The following ITGAE variants were observed in gnomAD, a reference collection of about 807,000 sequenced individuals.
The protein encoded by ITGAE is integrin subunit alpha E, also known as integrin alpha-E.
Under a neutral mutation model 136.5 loss-of-function variants are expected in ITGAE, and 99 were observed. The ratio of observed to expected loss-of-function variants is 0.73; its 90% CI spans 0.62 to 0.86. The LOEUF (loss-of-function observed/expected upper bound fraction) is 0.86, where lower values mean the gene tolerates loss of function less well. Ranked by LOEUF, ITGAE falls within the 40% of genes least tolerant of loss-of-function variation. The pLI is 0.00. For missense variants in ITGAE, 1,447 were observed against 1,515.3 expected (o/e 0.95, Z 0.75); for synonymous variants, 613 against 591.8 (o/e 1.04, Z -0.52).
rs568360760 is a variant in ITGAE, at chr17:3,767,025, G to A, written c.156-3065C>T. ...AAAACCCAGGAGGCATCCTCACTTC[G>A]TCGTGTTTTCACTCATGCCCTACAT... is the stretch of plus-strand genomic sequence containing the variant. On this transcript the variant is annotated intron_variant, in intron 2 of 30. Transcript: ENST00000263087. 9.9e-5 allele frequency among the ~76,000 whole-genome samples: 15 copies of A among 151,324 alleles called. No individual in the cohort carries two copies. The South Asian group carries it at 2.5e-3, about 25-fold the overall frequency.
intron 28 of ITGAE, 32 bp from the exon 29 acceptor site, chr17:3,720,434 A>C (rs756359438): frequency 1.2e-5 from 12 of 999,560 alleles, no homozygotes; most frequent in Non-Finnish European, 1.9e-5. Flanking sequence ...GAGGGAAACA[A>C]AACATATTTT....
intron 10 of ITGAE, 89 bp downstream of exon 10, chr17:3,756,895 C>A: frequency 7.0e-7 from 1 of 1,419,532 alleles, no homozygotes; most frequent in African/African-American, 1.4e-5. Flanking sequence ...ATGGGAGTTG[C>A]TCAGAGAAAC....
Position 3,755,832 on chromosome 17 carries a change from C to G in ITGAE, c.1237G>C (p.Glu413Gln), listed in dbSNP as rs1156868090. The G allele has an allele frequency of 8.8e-6, 14 of 1,592,764 alleles. No individual in the cohort carries two copies. Among genetic ancestry groups the G allele is most frequent in the African/African-American group, 1.3e-5 (1 of 74,672 alleles). ...QIGFSAQILD[E>Q]RQVLLGAVGA... Reference sequence around the variant, plus strand: ...CTGGTGCTGAGTCAGCCACGTACCTCATCCAGGATCTGAGCACTGAAGCCA... The same window carrying G: ...CTGGTGCTGAGTCAGCCACGTACCTGATCCAGGATCTGAGCACTGAAGCCA... Residue 413 changes from glutamate to glutamine, a missense_variant and splice_region_variant, in exon 11 of 31, where the codon GAG (glutamate) becomes CAG (glutamine). By Grantham distance (29) the Glu-to-Gln change is conservative. Around this residue, in one of 3 missense-constraint regions of ITGAE, gnomAD observed 1,031 missense variants for 1,011.4 expected, o/e 1.02. Transcript: ENST00000263087.
Position 3,739,796 on chromosome 17 carries a change from C to T in ITGAE, c.2522+9G>A. 6.2e-7 allele frequency: 1 copy of T among 1,613,162 alleles called. No homozygotes were observed. The highest frequency in any genetic ancestry group is 8.5e-7 in the Non-Finnish European group (1 of 1,179,084). On this transcript the variant is annotated intron_variant, in intron 20 of 30. Transcript: ENST00000263087. Reference sequence around the variant, plus strand: ...TAATCGAGGAAACTGACGGCTATGTCCAACTCACTGAGAGACGGTGGTGGC... The same window carrying T: ...TAATCGAGGAAACTGACGGCTATGTTCAACTCACTGAGAGACGGTGGTGGC...
At chr17:3,776,585 G>GT (rs2052545196) in intron 2 of ITGAE, among the ~76,000 whole-genome samples, 1 of 152,100 alleles carries the variant, frequency 6.6e-6, no homozygotes, top group Non-Finnish European at 1.5e-5. Context: ...TAGTTTCAGG[G>GT]TTTTTGTTCT....
intron 28 of ITGAE, 59 bp downstream of exon 28, chr17:3,723,229 A>T: frequency 8.9e-7 from 1 of 1,120,726 alleles, no homozygotes; most frequent in Non-Finnish European, 1.4e-6. Flanking sequence ...TATCTCTTCT[A>T]GGGGCGATGC....
chr17:3,784,550 A>G (rs2052741165), intron 1 of ITGAE, among the ~76,000 whole-genome samples: 1 of 151,804 alleles, frequency 6.6e-6, no homozygotes, highest in African/African-American at 2.4e-5. Context: ...ACGCGCCACC[A>G]TGCCCGCCTA....
intron 1 of ITGAE, among the ~76,000 whole-genome samples, chr17:3,779,213 G>A (rs1235989619): frequency 6.6e-6 from 1 of 152,196 alleles, no homozygotes; most frequent in Non-Finnish European, 1.5e-5. Flanking sequence ...TAGAATTTGT[G>A]CATGTCACTG....
chr17:3,774,210 C>T (rs1307037021), intron 2 of ITGAE, among the ~76,000 whole-genome samples: 3 of 152,080 alleles, frequency 2.0e-5, no homozygotes, highest in Non-Finnish European at 2.9e-5. Flanking sequence ...TCACTTGCTC[C>T]TGTGTGCTGG....
At chr17:3,739,610 A>G (rs2143013878) in intron 20 of ITGAE, among the ~76,000 whole-genome samples, 195 bp downstream of exon 20, 1 of 152,248 alleles carries the variant, frequency 6.6e-6, no homozygotes, top group East Asian at 1.9e-4. Context: ...CTAATCTAGA[A>G]AGTGGGAAGA....
At chr17:3,736,930 G>A (rs913607139) in intron 20 of ITGAE, among the ~76,000 whole-genome samples, 1 of 152,102 alleles carries the variant, frequency 6.6e-6, no homozygotes. Context: ...TTGACTGGAG[G>A]GAGAGACAGG....
chr17:3,732,502 C>CAAACA lies in ITGAE; in HGVS notation c.2656-41_2656-37dup, dbSNP rs768616059. On this transcript the variant is annotated intron_variant, in intron 21 of 30. Coordinates refer to ENST00000263087, the MANE Select transcript of ITGAE (RefSeq NM_002208.5). Reference sequence around the variant, plus strand: ...AGCAGATGACATTCTCTTAAAGAGCCAAACAAAACAAAACAAAAACGTGGT... The same window carrying CAAACA: ...AGCAGATGACATTCTCTTAAAGAGCCAAACAAAACAAAACAAAACAAAAACGTGGT... The CAAACA allele has an allele frequency of 6.4e-5, 100 of 1,552,778 alleles. 1 individual carries two copies. The highest frequency in any genetic ancestry group is 5.5e-4 in the South Asian group (49 of 89,404).
chr17:3,774,910 T>A (rs2052505839), intron 2 of ITGAE, among the ~76,000 whole-genome samples: 1 of 152,114 alleles, frequency 6.6e-6, no homozygotes, highest in Non-Finnish European at 1.5e-5. Context: ...GCGGCCACCA[T>A]CGCCATCTGA....
intron 2 of ITGAE, among the ~76,000 whole-genome samples, chr17:3,773,461 GTGGCAGAGCAAGAC>G (rs1463852721): frequency 6.6e-6 from 1 of 151,820 alleles, no homozygotes; most frequent in African/African-American, 2.4e-5. Context: ...TCCAGCCTGG[GTGGCAGAGCAAGAC>G]TCTGCCTCAA....
chr17:3,743,278 A>AT (rs2051629164), intron 19 of ITGAE, among the ~76,000 whole-genome samples: 1 of 152,260 alleles, frequency 6.6e-6, no homozygotes, highest in Non-Finnish European at 1.5e-5. Flanking sequence ...CCAGGGGCAG[A>AT]TGGAGACCTG....
intron 1 of ITGAE, among the ~76,000 whole-genome samples, chr17:3,778,610 G>A (rs2052597882): frequency 6.6e-6 from 1 of 152,080 alleles, no homozygotes. Flanking sequence ...GAAGCCTTAG[G>A]TCTTCCTTCT....
In ITGAE at chr17:3,798,642, G is replaced by A. The variant is rs1597380359; in HGVS notation, c.34+2469C>T. 6.6e-6 allele frequency among the ~76,000 whole-genome samples: 1 copy of A among 152,184 alleles called. No homozygotes were observed. The highest frequency in any genetic ancestry group is 2.4e-5 in the African/African-American group (1 of 41,438). The stretch of plus-strand genomic sequence containing the variant: ...CCGGCACAGCCCCTGGCCTCAGCCC[G>A]AGTGCGTGCCACCAGCAGAGCGGGC... On this transcript the variant is annotated intron_variant, in intron 1 of 30. Coordinates refer to ENST00000263087, the MANE Select transcript of ITGAE (RefSeq NM_002208.5). This position sits in a 1 kb window ranked among gnomAD's most constrained non-coding sequence, Gnocchi z 4.3.
At chr17:3,745,671 T>A in intron 18 of ITGAE, 93 bp downstream of exon 18, 1 of 1,203,386 alleles carries the variant, frequency 8.3e-7, no homozygotes. Flanking sequence ...ACCTCATTTG[T>A]AGGTCTGGGT....
Position 3,753,787 on chromosome 17 carries a change from T to A in ITGAE, c.1523A>T (p.Glu508Val). The change falls in exon 13 of 31, where the codon GAG becomes GTG. Residue 508 changes from glutamate to valine, a missense_variant. By Grantham distance (121) the Glu-to-Val change is moderately radical. This residue lies in a region of ITGAE where 1,031 missense variants were observed against 1,011.4 expected (regional missense o/e 1.02). Transcript: ENST00000263087. ...GAGGCTTTCCCCAGCAGGTACCTGC[T>A]CTCCCTCCAGCACTGGCAGGAAGCT... is the stretch of plus-strand genomic sequence containing the variant. ...EASFLPVLEGEQMGSYFGSEL... is the reference protein window; with the variant it reads ...EASFLPVLEGVQMGSYFGSEL... 1 of 1,614,160 alleles carries A rather than the reference T, an allele frequency of 6.2e-7. No individual in the cohort carries two copies. Among genetic ancestry groups the A allele is most frequent in the Non-Finnish European group, 8.5e-7 (1 of 1,180,030 alleles).
Sources: allele counts gnomAD v4.1 joint callset (sites outside exome capture counted in the v4.1 genomes callset), GRCh38; gene constraint gnomAD v4.1.1; regional missense constraint gnomAD v4.1.1; non-coding constraint Gnocchi (gnomAD v3.1); transcripts MANE v1.5; gene names NCBI Gene and HGNC (gene_info 2026-07-23, HGNC 2026-07-21).